The following PCDHGB1 variants were observed in gnomAD, a reference collection of about 807,000 sequenced individuals.
PCDHGB1 encodes the protein protocadherin gamma subfamily B, 1.
A neutral mutation model predicts 56.6 loss-of-function variants in PCDHGB1; 34 were observed. That is an observed-to-expected ratio of 0.60 (90% CI 0.46 to 0.80). PCDHGB1 has a LOEUF of 0.80. Among genes scored for constraint, PCDHGB1 ranks in the 30% least tolerant of loss-of-function variants. The probability of loss-of-function intolerance (pLI) is 0.00; values close to 1 mark genes in which losing one functional copy is unlikely to be tolerated. For synonymous variants in PCDHGB1, 561 were observed against 505.9 expected (o/e 1.11, Z -1.46); for missense variants, 1,278 against 1,204.6 (o/e 1.06, Z -0.90).
intron 1 of PCDHGB1, chr5:141,398,768 C>T (rs1177677138): frequency 6.2e-6 from 10 of 1,613,946 alleles, no homozygotes; most frequent in South Asian, 1.1e-5. Context: ...GTCCTGACTG[C>T]CTTGGACGGT....
In PCDHGB1 at chr5:141,486,407, C is replaced by A; in HGVS notation, c.2410-8400C>A. The A allele has an allele frequency of 6.2e-7, 1 of 1,614,134 alleles. No homozygotes were observed. The highest frequency in any genetic ancestry group is 8.5e-7 in the Non-Finnish European group (1 of 1,180,000). On this transcript the variant is annotated intron_variant, in intron 1 of 3. Transcript: ENST00000523390. This position sits in a 1 kb window ranked among gnomAD's most constrained non-coding sequence, Gnocchi z 5.0. Reference sequence around the variant, plus strand: ...CCAGTTCTCCCTGGTGACTGCTGGACCCTTGGATCGAGAGGCCAAATCTAG... The same window carrying A: ...CCAGTTCTCCCTGGTGACTGCTGGAACCTTGGATCGAGAGGCCAAATCTAG...
chr5:141,448,524 T>C (rs1177408162), intron 1 of PCDHGB1, among the ~76,000 whole-genome samples: 1 of 152,194 alleles, frequency 6.6e-6, no homozygotes, highest in Non-Finnish European at 1.5e-5. Context: ...TTATTAAGCA[T>C]CCTGTCAGCA....
At chr5:141,370,435 G>A (rs748496364) in intron 1 of PCDHGB1, 30 of 1,603,488 alleles carry the variant, frequency 1.9e-5, no homozygotes, top group Middle Eastern at 1.7e-4. Context: ...GCAGGGCAGA[G>A]GCGAATGCTA....
chr5:141,395,813 A>G (rs1201631661), intron 1 of PCDHGB1: 2 of 152,062 alleles, frequency 1.3e-5, no homozygotes, highest in East Asian at 3.9e-4. Context: ...CAAAACATGA[A>G]CAAACTTTAA....
intron 1 of PCDHGB1, 108 bp from the exon 2 acceptor site, chr5:141,494,699 T>G: frequency 6.3e-7 from 1 of 1,592,240 alleles, no homozygotes; most frequent in East Asian, 2.3e-5. Context: ...GTCCGTTTTC[T>G]TCTCTGTGCC....
At position 141,351,973 on chromosome 5, in the gene PCDHGB1, C is replaced by A. The variant is rs1758879948; in HGVS notation, c.1713C>A (p.Phe571Leu). Residue 571 changes from phenylalanine (F) to leucine (L), a missense_variant, in exon 1 of 4, where the codon TTC becomes TTA. Transcript: ENST00000523390. Reference protein sequence around the residue: ...PALGPDGSALFDMVPRAAEPG... With the variant: ...PALGPDGSALLDMVPRAAEPG... ...TGGGGCCTGATGGCTCCGCCCTCTT[C>A]GATATGGTGCCACGCGCCGCAGAGC... 7 of 1,612,382 alleles carry A rather than the reference C, an allele frequency of 4.3e-6. No homozygotes were observed. Among genetic ancestry groups the A allele is most frequent in the Non-Finnish European group, 5.9e-6 (7 of 1,179,694 alleles).
In PCDHGB1 at chr5:141,477,116, G is replaced by A. The variant is rs771557201; in HGVS notation, c.2410-17691G>A. ...AGACAAGGGCGCCAATCCCGAAGGA[G>A]CACATTGCAAAGTGTTGGTGGAGGT... On this transcript the variant is annotated intron_variant, in intron 1 of 3. Transcript: ENST00000523390. This position sits in a 1 kb window ranked among gnomAD's most constrained non-coding sequence, Gnocchi z 4.9. 1 of 1,614,252 alleles carries A rather than the reference G, an allele frequency of 6.2e-7. No homozygotes were observed. The highest frequency in any genetic ancestry group is 8.5e-7 in the Non-Finnish European group (1 of 1,180,052).
intron 1 of PCDHGB1, chr5:141,427,676 T>G: frequency 1.2e-6 from 1 of 813,766 alleles, no homozygotes; most frequent in Non-Finnish European, 2.1e-6. Flanking sequence ...AAAACAACCT[T>G]CCCGGAGCCT....
intron 2 of PCDHGB1, among the ~76,000 whole-genome samples, chr5:141,498,828 G>C (rs2099786098): frequency 6.6e-6 from 1 of 152,092 alleles, no homozygotes; most frequent in Non-Finnish European, 1.5e-5. Flanking sequence ...AGCTACTCAG[G>C]AGGCTGAGGC....
At chr5:141,410,312 C>T (rs754522489) in intron 1 of PCDHGB1, 9 of 1,614,036 alleles carry the variant, frequency 5.6e-6, no homozygotes, top group South Asian at 3.3e-5. Context: ...AGTGCTCTTC[C>T]TCCTCGCCGT....
Position 141,360,898 on chromosome 5 carries a change from G to C in PCDHGB1, c.2409+8229G>C, listed in dbSNP as rs1252117170. On this transcript the variant is annotated intron_variant, in intron 1 of 3. Coordinates refer to ENST00000523390, the MANE Select transcript of PCDHGB1 (RefSeq NM_018922.3). Reference sequence around the variant, plus strand: ...GTACAGGGTCACCCTGAGGGAGGACGTGCCGCCGGGCTTCTTTGTGCTTCA... The same window carrying C: ...GTACAGGGTCACCCTGAGGGAGGACCTGCCGCCGGGCTTCTTTGTGCTTCA... 7 of 1,613,922 alleles carry C rather than the reference G, an allele frequency of 4.3e-6. No individual in the cohort carries two copies. Among genetic ancestry groups the C allele is most frequent in the South Asian group, 2.2e-5 (2 of 91,090 alleles).
chr5:141,350,892 C>A lies in PCDHGB1; in HGVS notation c.632C>A (p.Ala211Asp), dbSNP rs1256057534. The change falls in exon 1 of 4, where the codon GCC (alanine) becomes GAC (aspartate). Residue 211 changes from alanine to aspartate, a missense_variant. Physicochemically the swap from Ala to Asp is moderately radical, Grantham distance 126. Transcript: ENST00000523390. ...AGCTCTCATCGCTTAATCCTGACTG[C>A]CATGGATGGCGGGGACCCGCCTCTA... ...HQSSHRLILTAMDGGDPPLSG... is the reference protein window; with the variant it reads ...HQSSHRLILTDMDGGDPPLSG... 1 of 1,613,928 alleles carries A rather than the reference C, an allele frequency of 6.2e-7. No individual in the cohort carries two copies. The highest frequency in any genetic ancestry group is 8.5e-7 in the Non-Finnish European group (1 of 1,179,916).
chr5:141,418,126 A>G (rs2096226975), intron 1 of PCDHGB1: 3 of 1,613,994 alleles, frequency 1.9e-6, no homozygotes, highest in Non-Finnish European at 2.5e-6. Context: ...TGAAGGACCG[A>G]ATAGACCGTG....
In PCDHGB1 at chr5:141,351,560, A is replaced by G. The variant is rs1758755452; in HGVS notation, c.1300A>G (p.Ile434Val). The change falls in exon 1 of 4, where the codon ATC becomes GTC. Residue 434 changes from isoleucine (I) to valine (V), a missense_variant. Physicochemically the swap from Ile to Val is conservative, Grantham distance 29. Transcript: ENST00000523390. The part of the protein sequence containing the change: ...GKPALSSRTS[I>V]TLHISDINDN... ...ACCAGCCCTTTCCTCCAGGACAAGC[A>G]TCACCCTGCACATCTCCGACATCAA... 1 of 1,614,036 alleles carries G rather than the reference A, an allele frequency of 6.2e-7. No homozygotes were observed. The highest frequency in any genetic ancestry group is 8.5e-7 in the Non-Finnish European group (1 of 1,179,884).
chr5:141,386,521 A>AG (rs1458324675), intron 1 of PCDHGB1, among the ~76,000 whole-genome samples: 1 of 232 alleles, frequency 4.3e-3, no homozygotes, highest in Non-Finnish European at 0.011. Context: ...TCAAAAAAAG[A>AG]CTCTTTTTAG....
intron 1 of PCDHGB1, chr5:141,410,641 T>G: frequency 6.3e-7 from 1 of 1,599,146 alleles, no homozygotes. Context: ...CTTTTTTGTG[T>G]GTGATTTATC....
At position 141,399,943 on chromosome 5, in the gene PCDHGB1, C is replaced by A. The variant is rs1334013330; in HGVS notation, c.2409+47274C>A. On this transcript the variant is annotated intron_variant, in intron 1 of 3. Coordinates refer to ENST00000523390, the MANE Select transcript of PCDHGB1 (RefSeq NM_018922.3). Reference sequence around the variant, plus strand: ...CGCCTGGCTGTCCTACCACGTGCTGCAGGCTAGCGAGCCCGGGCTCTTCAG... The same window carrying A: ...CGCCTGGCTGTCCTACCACGTGCTGAAGGCTAGCGAGCCCGGGCTCTTCAG... The A allele has an allele frequency of 3.7e-6, 6 of 1,612,294 alleles. 1 individual carries two copies. The Admixed American group carries it at 1.0e-4, about 27-fold the overall frequency.
At chr5:141,364,514 C>A in intron 1 of PCDHGB1, 2 of 1,614,006 alleles carry the variant, frequency 1.2e-6, no homozygotes, top group Non-Finnish European at 1.7e-6. Context: ...GCTGGCGGAG[C>A]GCGGAGTCCG....
chr5:141,462,125 A>G (rs918645911), intron 1 of PCDHGB1, among the ~76,000 whole-genome samples: 24 of 151,688 alleles, frequency 1.6e-4, no homozygotes, highest in African/African-American at 5.6e-4. Flanking sequence ...ACCCAGTCCA[A>G]TTTTTTGTAT....
Sources: gnomAD v4.1 joint callset for allele counts (sites outside exome capture counted in the v4.1 genomes callset) on GRCh38, gnomAD v4.1.1 for gene constraint, Gnocchi (gnomAD v3.1) non-coding constraint, MANE v1.5 for transcripts, NCBI Gene and HGNC (gene_info 2026-07-23, HGNC 2026-07-21) for gene names.